The following LOC128462377 variants were observed in gnomAD, a reference collection of about 807,000 sequenced individuals.
At chr16:89,342,151 G>C in the LOC128462377 span, among the ~76,000 whole-genome samples, 5 of 152,226 alleles carry the variant, frequency 3.3e-5, no homozygotes, top group African/African-American at 1.2e-4. Flanking sequence ...GGCCCTTCTA[G>C]ATCTTGGCGT....
At chr16:89,354,261 G>C in the LOC128462377 span, among the ~76,000 whole-genome samples, 17 of 114,486 alleles carry the variant, frequency 1.5e-4, no homozygotes, top group East Asian at 3.3e-3. Flanking sequence ...AAAAAAAAAA[G>C]AAAACTTCAT....
chr16:89,400,060 C>T, the LOC128462377 span, among the ~76,000 whole-genome samples: 3 of 79,412 alleles, frequency 3.8e-5, 1 homozygote, highest in Non-Finnish European at 7.8e-5. Flanking sequence ...GGCTTCCCTG[C>T]GCTGGGGGCC....
the LOC128462377 span, among the ~76,000 whole-genome samples, chr16:89,340,406 C>G: frequency 6.6e-6 from 1 of 152,238 alleles, no homozygotes; most frequent in Non-Finnish European, 1.5e-5. Flanking sequence ...CCCTGAGTAG[C>G]TGAGATTACA....
At chr16:89,390,587 C>CCTTG in the LOC128462377 span, among the ~76,000 whole-genome samples, 1 of 152,088 alleles carries the variant, frequency 6.6e-6, no homozygotes, top group African/African-American at 2.4e-5. Flanking sequence ...GAGAACCTGA[C>CCTTG]CAAGGCACAT....
the LOC128462377 span, among the ~76,000 whole-genome samples, chr16:89,325,850 C>T: frequency 6.6e-6 from 1 of 152,180 alleles, no homozygotes; most frequent in African/African-American, 2.4e-5. Flanking sequence ...GGGTCTTGGC[C>T]TCCTAGAGGA....
chr16:89,356,852 T>C, the LOC128462377 span, among the ~76,000 whole-genome samples: 1 of 148,900 alleles, frequency 6.7e-6, no homozygotes, highest in Non-Finnish European at 1.5e-5. Context: ...AAAAGGATAA[T>C]GCACATAATA....
the LOC128462377 span, among the ~76,000 whole-genome samples, chr16:89,363,642 T>G: frequency 1.3e-5 from 2 of 152,184 alleles, no homozygotes. Flanking sequence ...CAAGCCTCAC[T>G]CACTTTATGT....
the LOC128462377 span, among the ~76,000 whole-genome samples, chr16:89,371,732 G>A: frequency 1.3e-5 from 2 of 152,144 alleles, no homozygotes; most frequent in Non-Finnish European, 2.9e-5. Context: ...GGAGGGCGAT[G>A]CGGACTCCCT....
chr16:89,387,307 C>T, the LOC128462377 span, among the ~76,000 whole-genome samples: 1 of 151,924 alleles, frequency 6.6e-6, no homozygotes, highest in African/African-American at 2.4e-5. Flanking sequence ...GGGGCTGCGT[C>T]TGTGGTGAGG....
At chr16:89,338,754 C>T in the LOC128462377 span, among the ~76,000 whole-genome samples, 22 of 130,416 alleles carry the variant, frequency 1.7e-4, no homozygotes, top group African/African-American at 6.1e-4. Context: ...AAAAAAAGAG[C>T]GAGCTTTTGT....
At chr16:89,390,314 C>T in the LOC128462377 span, among the ~76,000 whole-genome samples, 1,381 of 146,934 alleles carry the variant, frequency 9.4e-3, 21 homozygotes, top group East Asian at 0.017. Flanking sequence ...CCGAGTGTGG[C>T]GTGGAGCACA....
the LOC128462377 span, among the ~76,000 whole-genome samples, chr16:89,371,544 A>G: frequency 6.6e-6 from 1 of 152,210 alleles, no homozygotes; most frequent in Non-Finnish European, 1.5e-5. Flanking sequence ...CTCAAGGACC[A>G]GCTCAGATTC....
At chr16:89,318,016 G>T in the LOC128462377 span, among the ~76,000 whole-genome samples, 5 of 152,116 alleles carry the variant, frequency 3.3e-5, no homozygotes, top group Admixed American at 6.5e-5. Flanking sequence ...AGCCACTCCC[G>T]AACTATTTGC....
At chr16:89,346,064 T>C in the LOC128462377 span, among the ~76,000 whole-genome samples, 1 of 151,290 alleles carries the variant, frequency 6.6e-6, no homozygotes, top group Non-Finnish European at 1.5e-5. Flanking sequence ...CAACATGGAA[T>C]GACCCTGTCT....
At chr16:89,365,969 T>C in the LOC128462377 span, among the ~76,000 whole-genome samples, 1 of 152,118 alleles carries the variant, frequency 6.6e-6, no homozygotes, top group African/African-American at 2.4e-5. Context: ...TATTTGGTTT[T>C]CTGTCCCTGC....
chr16:89,328,231 T>G, the LOC128462377 span, among the ~76,000 whole-genome samples: 1 of 152,160 alleles, frequency 6.6e-6, no homozygotes, highest in Admixed American at 6.5e-5. Flanking sequence ...AAGCTGGAAC[T>G]CTCTCGCTTG....
the LOC128462377 span, among the ~76,000 whole-genome samples, chr16:89,397,755 A>G: frequency 1.3e-5 from 2 of 152,226 alleles, no homozygotes; most frequent in Admixed American, 6.5e-5. Context: ...TCCTCTGAGC[A>G]TCTTCTGATT....
the LOC128462377 span, chr16:89,361,481 T>C: frequency 6.6e-6 from 1 of 152,396 alleles, no homozygotes; most frequent in Non-Finnish European, 1.5e-5. Flanking sequence ...CACCTGTTTA[T>C]GTTCCATACT....
chr16:89,410,184 A>C, the LOC128462377 span, among the ~76,000 whole-genome samples: 1 of 152,264 alleles, frequency 6.6e-6, no homozygotes, highest in Non-Finnish European at 1.5e-5. Flanking sequence ...TACAGGGCAG[A>C]ATTTCACACG....
Sources: allele counts gnomAD v4.1 joint callset (sites outside exome capture counted in the v4.1 genomes callset), GRCh38; gene constraint gnomAD v4.1.1; transcripts MANE v1.5.